STK24: variants seen among roughly 807,000 people sequenced by gnomAD.
STK24 encodes the protein serine/threonine-protein kinase 24.
Under a neutral mutation model 55.6 loss-of-function variants are expected in STK24, and 21 were observed. That is an observed-to-expected ratio of 0.38 (90% confidence interval 0.27 to 0.54). STK24 has a LOEUF of 0.54. STK24 is among the 20% of genes least tolerant of loss of function. The pLI is 0.79. For synonymous variants in STK24, 200 were observed against 215.2 expected, an observed-to-expected ratio of 0.93 and a Z score of 0.62; for missense variants, 383 against 538.4, an observed-to-expected ratio of 0.71 and a Z score of 2.86.
At chr13:98,469,694 C>T (rs1292180179) in intron 5 of STK24, among the ~76,000 whole-genome samples, 3 of 152,002 alleles carry the variant, frequency 2.0e-5, no homozygotes, top group Admixed American at 6.5e-5. Context: ...CAGCACCCTG[C>T]GTCCCCTCTA....
chr13:98,460,461 A>T, intron 8 of STK24, 21 bp from the exon 9 acceptor site: 2 of 1,600,432 alleles, frequency 1.2e-6, no homozygotes, highest in Non-Finnish European at 1.7e-6. Flanking sequence ...AGGGAAAAAA[A>T]GGTCATCAGA....
At chr13:98,539,247 T>C (rs1896820707) in intron 1 of STK24, among the ~76,000 whole-genome samples, 1 of 152,236 alleles carries the variant, frequency 6.6e-6, no homozygotes, top group Non-Finnish European at 1.5e-5. Context: ...GCAACTCTTT[T>C]TGTGATTCGG....
chr13:98,547,591 G>C (rs1175719529), intron 1 of STK24, among the ~76,000 whole-genome samples: 3 of 152,188 alleles, frequency 2.0e-5, no homozygotes, highest in African/African-American at 7.2e-5. Context: ...AAGTCAATAG[G>C]TTGTTTGCAG....
At chr13:98,544,142 C>T (rs945544474) in intron 1 of STK24, among the ~76,000 whole-genome samples, 4 of 152,174 alleles carry the variant, frequency 2.6e-5, no homozygotes, top group Non-Finnish European at 5.9e-5. Context: ...TGCAATAAAA[C>T]TAGGAACTAC....
intron 1 of STK24, among the ~76,000 whole-genome samples, chr13:98,559,000 ACT>A (rs1466204354): frequency 1.4e-5 from 1 of 74,010 alleles, no homozygotes; most frequent in Non-Finnish European, 2.7e-5. Context: ...CCCTGTCTCT[ACT>A]AAAAAAAAAA....
intron 1 of STK24, among the ~76,000 whole-genome samples, chr13:98,567,276 C>T (rs1252053098): frequency 6.6e-6 from 1 of 152,198 alleles, no homozygotes; most frequent in South Asian, 2.1e-4. Flanking sequence ...CCACATAACA[C>T]CCAGGCCCTC....
chr13:98,562,506 A>G (rs1566406542), intron 1 of STK24, among the ~76,000 whole-genome samples: 2 of 152,212 alleles, frequency 1.3e-5, no homozygotes, highest in African/African-American at 4.8e-5. Context: ...TGACAAACTC[A>G]AGAAGAATTA....
intron 1 of STK24, among the ~76,000 whole-genome samples, chr13:98,576,442 G>A (rs2139478295): frequency 6.6e-6 from 1 of 152,216 alleles, no homozygotes; most frequent in East Asian, 1.9e-4. Context: ...CCCAGGGCCT[G>A]CAGCTCCGGA....
chr13:98,503,882 C>T (rs1322887002), intron 2 of STK24, among the ~76,000 whole-genome samples: 1 of 152,234 alleles, frequency 6.6e-6, no homozygotes, highest in Non-Finnish European at 1.5e-5. Flanking sequence ...CAGCAACCAG[C>T]CAGAACCACT....
At chr13:98,526,294 T>C (rs916845213) in intron 1 of STK24, among the ~76,000 whole-genome samples, 1 of 152,212 alleles carries the variant, frequency 6.6e-6, no homozygotes, top group African/African-American at 2.4e-5. Flanking sequence ...TCAGGCATTT[T>C]CCCCCTGCAG....
chr13:98,574,168 C>A (rs749954376), intron 1 of STK24, among the ~76,000 whole-genome samples: 9 of 152,152 alleles, frequency 5.9e-5, no homozygotes, highest in Non-Finnish European at 1.2e-4. Flanking sequence ...TGTGCCACCA[C>A]GCCCAGCTAA....
At chr13:98,464,058 T>C (rs1177666891) in intron 6 of STK24, among the ~76,000 whole-genome samples, 5 of 152,084 alleles carry the variant, frequency 3.3e-5, no homozygotes, top group African/African-American at 1.2e-4. Flanking sequence ...TTTCCAAGGA[T>C]GTCCCTAATA....
intron 2 of STK24, among the ~76,000 whole-genome samples, chr13:98,492,150 C>T (rs1447779448): frequency 6.6e-6 from 1 of 151,698 alleles, no homozygotes; most frequent in Admixed American, 6.6e-5. Context: ...AATGGTTTTG[C>T]CCTTGAATAA....
At chr13:98,496,042 T>A (rs762331566) in intron 2 of STK24, among the ~76,000 whole-genome samples, 49 of 152,214 alleles carry the variant, frequency 3.2e-4, no homozygotes, top group Non-Finnish European at 6.9e-4. Flanking sequence ...AGGCAGCCGA[T>A]GACTTCCAAA....
At position 98,519,576 on chromosome 13, in the gene STK24, G is replaced by T. The variant is rs567964599; in HGVS notation, c.43-103C>A. The T allele has an allele frequency of 3.0e-4, 267 of 897,530 alleles. 1 individual carries two copies. In the African/African-American group the frequency reaches 4.1e-3, roughly 14 times the overall value. The allele number at this position is 897,530 out of a possible 1,614,324, so 55.6% of individuals were successfully genotyped here. A position where few individuals can be genotyped will look rare whatever the true frequency, so the allele number is the denominator to read the frequency against. ...TGTTATAGACCACACTGTCTTCCAG[G>T]GACTCATCTATTTTCTGTGTCCAGC... On this transcript the variant is annotated intron_variant, in intron 1 of 10. Transcript: ENST00000539966.
At chr13:98,528,881 C>T (rs556712754) in intron 1 of STK24, among the ~76,000 whole-genome samples, 4 of 152,210 alleles carry the variant, frequency 2.6e-5, no homozygotes, top group South Asian at 2.1e-4. Flanking sequence ...CCTACTGGAG[C>T]GGGCGGGAGG....
chr13:98,457,021 TCTC>T, intron 10 of STK24, 144 bp downstream of exon 10: 1 of 950,182 alleles, frequency 1.1e-6, no homozygotes, highest in South Asian at 1.9e-5. Flanking sequence ...CAGAACAAAG[TCTC>T]CTCTAATTCA....
chr13:98,464,183 C>T (rs1222454868), intron 6 of STK24, among the ~76,000 whole-genome samples: 5 of 152,004 alleles, frequency 3.3e-5, no homozygotes, highest in East Asian at 1.9e-4. Context: ...TTTCGGAGGC[C>T]GAGGCGGGCA....
intron 3 of STK24, among the ~76,000 whole-genome samples, chr13:98,477,009 C>T (rs145883572): frequency 6.6e-6 from 1 of 152,332 alleles, no homozygotes; most frequent in East Asian, 1.9e-4. Context: ...CATCGCCTGC[C>T]AGAAATTGTC....
Sources: allele counts gnomAD v4.1 joint callset (sites outside exome capture counted in the v4.1 genomes callset), GRCh38; gene constraint gnomAD v4.1.1; transcripts MANE v1.5; gene names NCBI Gene and HGNC (gene_info 2026-07-23, HGNC 2026-07-21).